Variants in RASGRF2 observed in about 807,000 individuals in gnomAD.
RASGRF2 encodes ras-specific guanine nucleotide-releasing factor 2.
Under a neutral mutation model 151.0 loss-of-function variants are expected in RASGRF2, and 76 were observed. The observed-to-expected ratio is 0.50, with a 90% CI of 0.42 to 0.61. The LOEUF (loss-of-function observed/expected upper bound fraction) is 0.61. Among genes scored for constraint, RASGRF2 ranks in the 20% least tolerant of loss-of-function variants. RASGRF2 has a pLI of 0.00. For missense variants in RASGRF2, 1,148 were observed against 1,564.6 expected (o/e 0.73, Z 4.49); for synonymous variants, 504 against 566.5 (o/e 0.89, Z 1.57).
chr5:81,201,593 G>A (rs1394948575), intron 19 of RASGRF2, 151 bp downstream of exon 19: 14 of 853,342 alleles, frequency 1.6e-5, no homozygotes, highest in Non-Finnish European at 1.7e-6. Flanking sequence ...TCTTTCCTGG[G>A]GGCAATTTGG....
chr5:81,112,841 C>T lies in RASGRF2; in HGVS notation c.2070C>T (p.Phe690=), dbSNP rs267600714. 2 of 1,614,076 alleles carry T rather than the reference C, an allele frequency of 1.2e-6. No individual in the cohort carries two copies. The highest frequency in any genetic ancestry group is 1.7e-6 in the Non-Finnish European group (2 of 1,180,044). The change falls in exon 14 of 27, where the codon TTC becomes TTT. Residue 690 remains phenylalanine, a synonymous_variant. Transcript: ENST00000265080. ...TCTCCGACATATACAAGAGGCCTTT[C>T]ACCTCCATCCCTGTCAGGTACACCT... ...GKLSDIYKRP[F]TSIPVRSLEL... is the part of the protein sequence containing the mutation.
intron 17 of RASGRF2, among the ~76,000 whole-genome samples, chr5:81,134,079 C>CGTGTGTGTGTGTGTGT (rs139770057): frequency 1.8e-4 from 26 of 143,814 alleles, no homozygotes; most frequent in East Asian, 1.7e-3. Context: ...TGCTTGTGTG[C>CGTGTGTGTGTGTGTGT]GTGTGTGTGT....
At chr5:81,172,921 C>T (rs1007864001) in intron 17 of RASGRF2, among the ~76,000 whole-genome samples, 2 of 152,042 alleles carry the variant, frequency 1.3e-5, no homozygotes, top group Non-Finnish European at 2.9e-5. Flanking sequence ...GGCAGTGAGA[C>T]AGAAATGACA....
chr5:81,084,342 CA>C (rs1752167626), intron 7 of RASGRF2, among the ~76,000 whole-genome samples: 1 of 152,052 alleles, frequency 6.6e-6, no homozygotes, highest in Non-Finnish European at 1.5e-5. Context: ...GCAATTATGC[CA>C]GCGAAAAAGA....
chr5:81,143,492 C>G (rs984856651), intron 17 of RASGRF2, among the ~76,000 whole-genome samples: 6 of 152,030 alleles, frequency 3.9e-5, no homozygotes, highest in East Asian at 1.9e-4. Context: ...CAATGAAATA[C>G]TTTTAACAAT....
intron 24 of RASGRF2, among the ~76,000 whole-genome samples, chr5:81,216,365 A>ATG (rs1755736441): frequency 1.1e-5 from 1 of 89,910 alleles, no homozygotes; most frequent in African/African-American, 4.3e-5. Context: ...ACACACACAC[A>ATG]CACGCACACA....
At position 81,201,315 on chromosome 5, in the gene RASGRF2, C is replaced by A. The variant is rs1755389100; in HGVS notation, c.2794-15C>A. The A allele has an allele frequency of 6.2e-7, 1 of 1,602,766 alleles. No homozygotes were observed. The highest frequency in any genetic ancestry group is 1.1e-5 in the South Asian group (1 of 89,600). ...TTCAAAGCTAAAATTTAAAAAGATT[C>A]ATTTTATTTTACAGGATTTCGAACT... On this transcript the variant is annotated splice_polypyrimidine_tract_variant and intron_variant, in intron 18 of 26. Coordinates refer to ENST00000265080, the MANE Select transcript of RASGRF2 (RefSeq NM_006909.3).
intron 12 of RASGRF2, 99 bp from the exon 13 acceptor site, chr5:81,108,897 A>G (rs542955838): frequency 6.9e-7 from 1 of 1,443,822 alleles, no homozygotes; most frequent in East Asian, 2.5e-5. Flanking sequence ...ACAGGGAGAG[A>G]GAAATTGAAT....
At chr5:81,180,478 A>C (rs1377087558) in intron 18 of RASGRF2, among the ~76,000 whole-genome samples, 197 bp downstream of exon 18, 1 of 152,154 alleles carries the variant, frequency 6.6e-6, no homozygotes, top group Non-Finnish European at 1.5e-5. Flanking sequence ...CCACTGTTTC[A>C]GATCTGCAAA....
chr5:81,029,724 A>G (rs535068717), intron 1 of RASGRF2, among the ~76,000 whole-genome samples: 1 of 152,380 alleles, frequency 6.6e-6, no homozygotes, highest in Admixed American at 6.5e-5. Context: ...GCTGAAAATT[A>G]TAAAAATCAG....
intron 22 of RASGRF2, among the ~76,000 whole-genome samples, chr5:81,211,860 G>A (rs1755636681): frequency 2.0e-5 from 3 of 152,230 alleles, no homozygotes; most frequent in African/African-American, 7.2e-5. Context: ...TTGCAGCCAA[G>A]TGATTCTGGT....
chr5:80,985,230 A>G (rs1748438598), intron 1 of RASGRF2, among the ~76,000 whole-genome samples: 1 of 152,200 alleles, frequency 6.6e-6, no homozygotes, highest in Non-Finnish European at 1.5e-5. Context: ...TAACAACAAC[A>G]AAAACAACAA....
At chr5:81,010,742 G>A (rs1295154014) in intron 1 of RASGRF2, among the ~76,000 whole-genome samples, 1 of 152,194 alleles carries the variant, frequency 6.6e-6, no homozygotes, top group Non-Finnish European at 1.5e-5. Context: ...TAGGGAAAGA[G>A]GCCCAGCAAA....
chr5:81,183,673 C>G (rs886150231), intron 18 of RASGRF2, among the ~76,000 whole-genome samples: 1 of 152,148 alleles, frequency 6.6e-6, no homozygotes, highest in Non-Finnish European at 1.5e-5. Flanking sequence ...TCTCATGTGC[C>G]TTGTCTATCA....
chr5:81,180,252 C>T lies in RASGRF2; in HGVS notation c.2764C>T (p.Leu922Phe), dbSNP rs761381827. Residue 922 changes from leucine to phenylalanine, a missense_variant, in exon 18 of 27, where the codon CTC (leucine) becomes TTC (phenylalanine). Leu to Phe is a conservative substitution (Grantham distance 22, BLOSUM62 0). Around this residue, in one of 5 missense-constraint regions of RASGRF2, gnomAD observed 646 missense variants for 807.4 expected, o/e 0.80. Coordinates refer to ENST00000265080, the MANE Select transcript of RASGRF2 (RefSeq NM_006909.3). The part of the protein sequence containing the change: ...RTATNRVLNV[L>F]RHWVSKHAQD... ...GGCTACCAATCGAGTTCTGAACGTC[C>T]TCCGTCACTGGGTCTCAAAGCACGC... The T allele has an allele frequency of 1.2e-6, 2 of 1,611,000 alleles. No individual in the cohort carries two copies. Among genetic ancestry groups the T allele is most frequent in the South Asian group, 1.1e-5 (1 of 90,986 alleles).
At chr5:81,104,937 A>G (rs1341691238) in intron 12 of RASGRF2, among the ~76,000 whole-genome samples, 2 of 152,170 alleles carry the variant, frequency 1.3e-5, no homozygotes, top group African/African-American at 2.4e-5. Flanking sequence ...CTTGTGGACT[A>G]TGGAAGCTGA....
At chr5:81,116,062 A>C (rs1242385604) in intron 15 of RASGRF2, among the ~76,000 whole-genome samples, 1 of 52,512 alleles carries the variant, frequency 1.9e-5, no homozygotes, top group Non-Finnish European at 4.7e-5. Context: ...GGTGAATGCC[A>C]TTTCTTTTTT....
intron 17 of RASGRF2, among the ~76,000 whole-genome samples, chr5:81,168,177 C>T (rs115642983): frequency 4.3e-4 from 65 of 152,126 alleles, no homozygotes; most frequent in African/African-American, 1.5e-3. Flanking sequence ...TCAGCCCCTC[C>T]GCTTTGCCCC....
intron 24 of RASGRF2, among the ~76,000 whole-genome samples, chr5:81,216,404 G>C (rs1280684602): frequency 5.1e-5 from 6 of 118,680 alleles, no homozygotes; most frequent in East Asian, 2.1e-4. Context: ...CACACGCAGA[G>C]AGAGAGAGAG....
Sources: gnomAD v4.1 joint callset for allele counts (sites outside exome capture counted in the v4.1 genomes callset) on GRCh38, gnomAD v4.1.1 for gene constraint, gnomAD v4.1.1 regional missense constraint, MANE v1.5 for transcripts, NCBI Gene and HGNC (gene_info 2026-07-23, HGNC 2026-07-21) for gene names.